Variants in CPQ observed in about 807,000 individuals in gnomAD.
CPQ encodes the protein carboxypeptidase Q.
CPQ carries 37 observed loss-of-function variants against 45.7 expected under a neutral mutation model. The ratio of observed to expected loss-of-function variants is 0.81; its 90% CI spans 0.62 to 1.07. CPQ has a LOEUF of 1.07. Ranked by LOEUF, CPQ falls within the 50% of genes least tolerant of loss-of-function variation. CPQ has a pLI of 0.00. For missense variants in CPQ, 537 were observed against 572.9 expected (o/e 0.94, Z 0.64); for synonymous variants, 186 against 205.8 (o/e 0.90, Z 0.82).
At chr8:96,903,919 T>G (rs1812544267) in intron 4 of CPQ, among the ~76,000 whole-genome samples, 1 of 152,214 alleles carries the variant, frequency 6.6e-6, no homozygotes, top group East Asian at 1.9e-4. Context: ...TGCTGGTGTT[T>G]GGAGTGTCTT....
chr8:97,026,175 G>A (rs1436781446), intron 5 of CPQ, among the ~76,000 whole-genome samples: 1 of 152,188 alleles, frequency 6.6e-6, no homozygotes, highest in Non-Finnish European at 1.5e-5. Context: ...GTGACTGTTG[G>A]CACTGACCAG....
intron 3 of CPQ, among the ~76,000 whole-genome samples, chr8:96,874,754 T>G (rs1291258525): frequency 1.3e-5 from 2 of 151,920 alleles, no homozygotes; most frequent in Admixed American, 6.6e-5. Context: ...GTATTAAGGT[T>G]GTTTCTACCT....
intron 6 of CPQ, among the ~76,000 whole-genome samples, chr8:97,041,548 T>A (rs897713349): frequency 6.6e-6 from 1 of 152,206 alleles, no homozygotes; most frequent in Non-Finnish European, 1.5e-5. Flanking sequence ...AGAGAGGGCA[T>A]CCCTGTCTTG....
intron 4 of CPQ, 71 bp from the exon 5 acceptor site, chr8:96,965,864 C>T (rs1340112854): frequency 1.2e-6 from 1 of 867,206 alleles, no homozygotes; most frequent in Non-Finnish European, 1.7e-6. Context: ...ATTTTGAATA[C>T]CTATAAATGT....
intron 1 of CPQ, among the ~76,000 whole-genome samples, chr8:96,749,493 A>T (rs1359350501): frequency 6.6e-6 from 1 of 152,220 alleles, no homozygotes; most frequent in Non-Finnish European, 1.5e-5. Context: ...AAGAATTCAC[A>T]ATCTTTCATC....
At chr8:96,802,516 C>G (rs1811020177) in intron 2 of CPQ, among the ~76,000 whole-genome samples, 1 of 151,754 alleles carries the variant, frequency 6.6e-6, no homozygotes, top group Non-Finnish European at 1.5e-5. Context: ...GCTGAATAGA[C>G]CAAGGCCTTG....
intron 3 of CPQ, among the ~76,000 whole-genome samples, chr8:96,836,165 A>T (rs990488699): frequency 5.9e-5 from 9 of 152,182 alleles, no homozygotes; most frequent in Non-Finnish European, 1.2e-4. Context: ...TGGATTTTTA[A>T]TATCTATTGG....
intron 4 of CPQ, among the ~76,000 whole-genome samples, chr8:96,950,954 T>C (rs1366535204): frequency 1.3e-5 from 2 of 152,120 alleles, no homozygotes; most frequent in Admixed American, 6.5e-5. Context: ...CAGATCTTAA[T>C]TACTGTGTTG....
intron 6 of CPQ, among the ~76,000 whole-genome samples, chr8:97,052,481 T>C (rs1810379710): frequency 6.6e-6 from 1 of 152,202 alleles, no homozygotes; most frequent in South Asian, 2.1e-4. Context: ...ATTATAAGCC[T>C]CATGATGTGC....
chr8:96,754,446 T>G (rs1003388803), intron 1 of CPQ, among the ~76,000 whole-genome samples: 1 of 151,942 alleles, frequency 6.6e-6, no homozygotes, highest in African/African-American at 2.4e-5. Flanking sequence ...GTTATGAGGG[T>G]TATGTCAACG....
chr8:96,845,582 G>A (rs1241101530), intron 3 of CPQ, among the ~76,000 whole-genome samples: 1 of 152,150 alleles, frequency 6.6e-6, no homozygotes, highest in East Asian at 1.9e-4. Flanking sequence ...GAGTACAGTG[G>A]CATGATCATG....
rs71267281 is a variant in CPQ at position 96,787,525 on chromosome 8, C to CTTTTTTTTTTTTTTTTTTTTT, written c.433+2205_433+2225dup. ...TTGTAGTTTCATTTTCTTATAATGT[C>CTTTTTTTTTTTTTTTTTTTTT]TTTTTTTTTTTTTTTTTTTTTTTTT... On this transcript the variant is annotated intron_variant, in intron 2 of 7. Transcript: ENST00000220763. Among the ~76,000 whole-genome samples the CTTTTTTTTTTTTTTTTTTTTT allele has an allele frequency of 2.7e-3, 127 of 47,586 alleles. 44 individuals are homozygous for CTTTTTTTTTTTTTTTTTTTTT. Among genetic ancestry groups the CTTTTTTTTTTTTTTTTTTTTT allele is most frequent in the East Asian group, 6.7e-3 (6 of 894 alleles). 31.2% of individuals were successfully genotyped at this position (47,586 alleles called of 152,430 possible).
At chr8:96,990,659 C>A (rs1366520001) in intron 5 of CPQ, among the ~76,000 whole-genome samples, 1 of 152,186 alleles carries the variant, frequency 6.6e-6, no homozygotes, top group Admixed American at 6.5e-5. Flanking sequence ...AGAGATAATT[C>A]CTATCATTGT....
intron 1 of CPQ, among the ~76,000 whole-genome samples, chr8:96,781,340 A>T (rs997917423): frequency 1.3e-5 from 2 of 152,158 alleles, no homozygotes; most frequent in African/African-American, 4.8e-5. Flanking sequence ...ACATCTGGTG[A>T]GGGCCTTTTA....
chr8:96,893,905 T>G (rs1812409488), intron 4 of CPQ, among the ~76,000 whole-genome samples: 1 of 152,180 alleles, frequency 6.6e-6, no homozygotes, highest in Non-Finnish European at 1.5e-5. Context: ...CGAATTCTCT[T>G]CCCCTGCATG....
At chr8:97,127,764 CA>C (rs1811872015) in intron 7 of CPQ, among the ~76,000 whole-genome samples, 1 of 151,994 alleles carries the variant, frequency 6.6e-6, no homozygotes, top group Non-Finnish European at 1.5e-5. Context: ...CTAAAATGTC[CA>C]AAACAAACAA....
chr8:96,718,414 G>A (rs971170608), intron 1 of CPQ, among the ~76,000 whole-genome samples: 1 of 152,006 alleles, frequency 6.6e-6, no homozygotes, highest in Non-Finnish European at 1.5e-5. Flanking sequence ...GCAGACCTTC[G>A]CGGTGAGTGT....
chr8:96,666,115 T>A (rs1586350448), intron 1 of CPQ, among the ~76,000 whole-genome samples: 4 of 152,072 alleles, frequency 2.6e-5, no homozygotes, highest in Admixed American at 2.6e-4. Context: ...GTTTGGCTAG[T>A]TTGAATGATT....
rs1156706371 is a variant in CPQ at position 96,854,530 on chromosome 8, CAAAAAAAAAA to C, written c.641+19370_641+19379del. ...TGGGCGACAGAGCGAGACTCCGTCT[CAAAAAAAAAA>C]AAAAAAAAAAAAAAAAAAATGTGGT... On this transcript the variant is annotated intron_variant, in intron 3 of 7. Coordinates refer to ENST00000220763, the MANE Select transcript of CPQ (RefSeq NM_016134.4). Among the ~76,000 whole-genome samples, 191 of 8,692 alleles carry C rather than the reference CAAAAAAAAAA, an allele frequency of 0.022. 11 individuals are homozygous for C. In the South Asian group the frequency reaches 0.36, roughly 16 times the overall value. The allele number at this position is 8,692 out of a possible 152,430, so 5.7% of individuals were successfully genotyped here. A position where few individuals can be genotyped will look rare whatever the true frequency, so the allele number is the denominator to read the frequency against.
Sources: gnomAD v4.1 joint callset for allele counts (sites outside exome capture counted in the v4.1 genomes callset) on GRCh38, gnomAD v4.1.1 for gene constraint, MANE v1.5 for transcripts, NCBI Gene and HGNC (gene_info 2026-07-23, HGNC 2026-07-21) for gene names.